The following RBFOX1 variants were observed in gnomAD, a reference collection of about 807,000 sequenced individuals.
The protein encoded by RBFOX1 is RNA binding fox-1 homolog 1.
In RBFOX1, 8 loss-of-function variants were observed where a neutral mutation model predicts 57.7. The ratio of observed to expected loss-of-function variants is 0.14; its 90% confidence interval spans 0.08 to 0.25. The LOEUF (loss-of-function observed/expected upper bound fraction) is 0.25. Among genes scored for constraint, RBFOX1 ranks in the 10% least tolerant of loss-of-function variants. RBFOX1 has a pLI of 1.00. For synonymous variants in RBFOX1, 326 were observed against 222.4 expected, an observed-to-expected ratio of 1.47 and a Z score of -4.15; for missense variants, 611 against 548.5, an observed-to-expected ratio of 1.11 and a Z score of -1.14.
intron 3 of RBFOX1, among the ~76,000 whole-genome samples, chr16:5,667,171 C>G (rs1296310690): frequency 6.6e-6 from 1 of 152,090 alleles, no homozygotes; most frequent in African/African-American, 2.4e-5. Context: ...TAGTTTTTGG[C>G]TTCATTAACA....
chr16:5,255,346 ATCCATCCC>A (rs1220760958), intron 1 of RBFOX1, among the ~76,000 whole-genome samples: 113 of 122,742 alleles, frequency 9.2e-4, no homozygotes, highest in African/African-American at 2.6e-3. Flanking sequence ...CCATCCATCC[ATCCATCCC>A]TCCATCCATC....
chr16:6,164,832 G>T (rs748557547), intron 1 of RBFOX1, among the ~76,000 whole-genome samples: 1 of 152,074 alleles, frequency 6.6e-6, no homozygotes, highest in South Asian at 2.1e-4. Flanking sequence ...GAAGACTGTC[G>T]ATGTACTTGA....
At chr16:7,151,023 A>G (rs1313379429) in intron 4 of RBFOX1, among the ~76,000 whole-genome samples, 4 of 152,176 alleles carry the variant, frequency 2.6e-5, no homozygotes, top group Non-Finnish European at 5.9e-5. Flanking sequence ...GCTCCTTTCC[A>G]AAATTATTTT....
At chr16:5,332,855 C>T (rs2064792572) in intron 1 of RBFOX1, among the ~76,000 whole-genome samples, 1 of 151,936 alleles carries the variant, frequency 6.6e-6, no homozygotes, top group African/African-American at 2.4e-5. Flanking sequence ...TTTCTGTTCC[C>T]GAGTCACCAG....
At chr16:7,152,239 C>T (rs1284235161) in intron 4 of RBFOX1, among the ~76,000 whole-genome samples, 2 of 152,148 alleles carry the variant, frequency 1.3e-5, no homozygotes, top group Non-Finnish European at 1.5e-5. Context: ...AGCGGTAGCA[C>T]AAGTAGGCTG....
chr16:7,184,203 A>G (rs1602163626), intron 4 of RBFOX1, among the ~76,000 whole-genome samples: 1 of 152,172 alleles, frequency 6.6e-6, no homozygotes, highest in East Asian at 1.9e-4. Flanking sequence ...AAGTGGAGAG[A>G]AGGAAGTGGA....
At chr16:6,383,726 C>T (rs1361923791) in intron 2 of RBFOX1, among the ~76,000 whole-genome samples, 2 of 151,626 alleles carry the variant, frequency 1.3e-5, no homozygotes, top group East Asian at 3.9e-4. Context: ...GCCAACATCG[C>T]ACCACTGCAC....
intron 4 of RBFOX1, among the ~76,000 whole-genome samples, chr16:7,123,807 A>G (rs1359326333): frequency 6.6e-6 from 1 of 152,252 alleles, no homozygotes; most frequent in East Asian, 1.9e-4. Flanking sequence ...TTTTATATTT[A>G]GAATTTGCAA....
At chr16:6,933,386 C>T (rs1011792472) in intron 3 of RBFOX1, among the ~76,000 whole-genome samples, 2 of 152,244 alleles carry the variant, frequency 1.3e-5, no homozygotes, top group African/African-American at 4.8e-5. Context: ...CTGTCCACAT[C>T]ATTGCCAACA....
At chr16:7,235,657 C>A (rs1371680559) in intron 4 of RBFOX1, among the ~76,000 whole-genome samples, 1 of 152,276 alleles carries the variant, frequency 6.6e-6, no homozygotes, top group South Asian at 2.1e-4. Flanking sequence ...TATGATGCCT[C>A]CCTCTGCCAT....
chr16:6,193,017 G>A (rs746623689), intron 1 of RBFOX1, among the ~76,000 whole-genome samples: 2 of 152,110 alleles, frequency 1.3e-5, no homozygotes, highest in African/African-American at 2.4e-5. Flanking sequence ...GTGAAATAAT[G>A]AGAATGTTTA....
At chr16:5,567,496 G>T (rs1270116544) in intron 2 of RBFOX1, among the ~76,000 whole-genome samples, 1 of 152,082 alleles carries the variant, frequency 6.6e-6, no homozygotes, top group African/African-American at 2.4e-5. Context: ...GTCACCACCT[G>T]CCCCTGGTCA....
chr16:6,871,869 G>A (rs908264178), intron 3 of RBFOX1, among the ~76,000 whole-genome samples: 2 of 150,876 alleles, frequency 1.3e-5, no homozygotes, highest in Non-Finnish European at 2.9e-5. Context: ...GCATCTGATG[G>A]CACTTTGTCA....
chr16:7,359,330 C>T (rs924652446), intron 4 of RBFOX1, among the ~76,000 whole-genome samples: 2 of 152,148 alleles, frequency 1.3e-5, no homozygotes, highest in African/African-American at 2.4e-5. Context: ...ATGTTTATCA[C>T]ATAGTAAGCA....
chr16:7,297,685 C>T (rs1043490299), intron 4 of RBFOX1, among the ~76,000 whole-genome samples: 7 of 152,038 alleles, frequency 4.6e-5, no homozygotes, highest in African/African-American at 1.7e-4. Flanking sequence ...TTTATAATAA[C>T]AACAGTTGTA....
chr16:5,965,355 T>G (rs139055656), intron 4 of RBFOX1, among the ~76,000 whole-genome samples: 125 of 152,340 alleles, frequency 8.2e-4, no homozygotes, highest in African/African-American at 2.9e-3. Context: ...ATTAGCTTCA[T>G]TATGGTAATC....
intron 4 of RBFOX1, among the ~76,000 whole-genome samples, chr16:7,458,205 C>T (rs1181976010): frequency 1.3e-5 from 2 of 152,122 alleles, no homozygotes; most frequent in African/African-American, 4.8e-5. Flanking sequence ...AAGACAGGGA[C>T]CTTGTCTCTC....
intron 4 of RBFOX1, among the ~76,000 whole-genome samples, chr16:7,244,928 T>C (rs1421620184): frequency 1.3e-5 from 2 of 152,188 alleles, no homozygotes; most frequent in African/African-American, 2.4e-5. Context: ...TGGTGTTTCA[T>C]GTCAGAGGCA....
chr16:7,547,550 GC>G (rs1277645328), intron 5 of RBFOX1, among the ~76,000 whole-genome samples: 1 of 152,174 alleles, frequency 6.6e-6, no homozygotes, highest in Non-Finnish European at 1.5e-5. Flanking sequence ...AAAAAACAAA[GC>G]AAATAATCCT....
Sources: gnomAD v4.1 joint callset for allele counts (sites outside exome capture counted in the v4.1 genomes callset) on GRCh38, gnomAD v4.1.1 for gene constraint, MANE v1.5 for transcripts, NCBI Gene and HGNC (gene_info 2026-07-23, HGNC 2026-07-21) for gene names.